The following RBFOX1 variants were observed in gnomAD, a reference collection of about 807,000 sequenced individuals.
RBFOX1 encodes RNA binding protein fox-1 homolog 1.
In RBFOX1, 8 loss-of-function variants were observed where a neutral mutation model predicts 57.7. That is an observed-to-expected ratio of 0.14 (90% CI 0.08 to 0.25). The LOEUF is 0.25. Among genes scored for constraint, RBFOX1 ranks in the 10% least tolerant of loss-of-function variants. The pLI is 1.00. For missense variants in RBFOX1, 611 were observed against 548.5 expected, an observed-to-expected ratio of 1.11 and a Z score of -1.14; for synonymous variants, 326 against 222.4, an observed-to-expected ratio of 1.47 and a Z score of -4.15.
intron 2 of RBFOX1, among the ~76,000 whole-genome samples, chr16:5,538,585 G>C (rs2044798384): frequency 6.6e-6 from 1 of 150,764 alleles, no homozygotes; most frequent in East Asian, 2.0e-4. Flanking sequence ...ATATCATAAT[G>C]CTCTCTTCCT....
At chr16:6,559,459 G>C (rs74008210) in intron 2 of RBFOX1, among the ~76,000 whole-genome samples, 4,025 of 152,192 alleles carry the variant, frequency 0.026, 178 homozygotes, top group African/African-American at 0.091. Flanking sequence ...CTTTTAGAAA[G>C]AGGAGAAGAG....
At chr16:5,536,792 G>A (rs1252714499) in intron 2 of RBFOX1, among the ~76,000 whole-genome samples, 2 of 151,934 alleles carry the variant, frequency 1.3e-5, no homozygotes, top group East Asian at 3.9e-4. Context: ...GGGGAAAACA[G>A]GAATTAGGGA....
At chr16:5,245,929 G>A (rs1177093225) in intron 1 of RBFOX1, among the ~76,000 whole-genome samples, 1 of 151,918 alleles carries the variant, frequency 6.6e-6, no homozygotes, top group Non-Finnish European at 1.5e-5. Context: ...GTGTTTTAAT[G>A]TTTTAGTTGA....
At chr16:6,523,717 T>A (rs1289098030) in intron 2 of RBFOX1, among the ~76,000 whole-genome samples, 1 of 152,182 alleles carries the variant, frequency 6.6e-6, no homozygotes, top group East Asian at 1.9e-4. Context: ...AATTATACAT[T>A]CATCAGAACA....
chr16:6,743,273 A>T (rs2072734568), intron 3 of RBFOX1, among the ~76,000 whole-genome samples: 1 of 152,198 alleles, frequency 6.6e-6, no homozygotes, highest in Admixed American at 6.5e-5. Context: ...GAAAAGGGAA[A>T]GTTGGGACAA....
chr16:6,774,560 AATG>A (rs2079003663), intron 3 of RBFOX1, among the ~76,000 whole-genome samples: 2 of 152,316 alleles, frequency 1.3e-5, no homozygotes, highest in Non-Finnish European at 2.9e-5. Context: ...AGAAGCAGCT[AATG>A]ATAATTTACT....
chr16:6,758,281 T>A (rs2076110105), intron 3 of RBFOX1, among the ~76,000 whole-genome samples: 1 of 152,078 alleles, frequency 6.6e-6, no homozygotes, highest in Non-Finnish European at 1.5e-5. Flanking sequence ...AAACTAGAGA[T>A]AATTTAGTGT....
intron 5 of RBFOX1, among the ~76,000 whole-genome samples, chr16:7,537,724 G>T (rs2081874707): frequency 6.6e-6 from 1 of 152,110 alleles, no homozygotes; most frequent in Non-Finnish European, 1.5e-5. Flanking sequence ...GTCCATCTCA[G>T]GAATAGTGTT....
chr16:6,558,664 TTAAAC>T (rs1435436289), intron 2 of RBFOX1, among the ~76,000 whole-genome samples: 2 of 152,108 alleles, frequency 1.3e-5, no homozygotes, highest in African/African-American at 4.8e-5. Flanking sequence ...AGATGGCTAA[TTAAAC>T]AAAACAAAAC....
chr16:6,865,291 C>T (rs1017366775), intron 3 of RBFOX1, among the ~76,000 whole-genome samples: 1 of 152,058 alleles, frequency 6.6e-6, no homozygotes, highest in Admixed American at 6.5e-5. Flanking sequence ...ACGTGAGCCA[C>T]CGTGCCCGAC....
At position 7,145,813 on chromosome 16, in the gene RBFOX1, G is replaced by A. The variant is rs550286846; in HGVS notation, c.27+93715G>A. On this transcript the variant is annotated intron_variant, in intron 4 of 15. Transcript: ENST00000550418. ...TATACCTCTCTCTGTTTGTGTTCCC[G>A]CACACACACTACTTCTCCATGGCTC... is the stretch of plus-strand genomic sequence containing the variant. Among the ~76,000 whole-genome samples the A allele has an allele frequency of 1.2e-4, 18 of 152,074 alleles. No homozygotes were observed. In the South Asian group the frequency reaches 3.1e-3, roughly 26 times the overall value.
At chr16:5,577,026 C>T (rs900527722) in intron 2 of RBFOX1, among the ~76,000 whole-genome samples, 3 of 152,170 alleles carry the variant, frequency 2.0e-5, no homozygotes, top group Admixed American at 1.3e-4. Context: ...CTCCTCTGCT[C>T]CTCTCTCCCC....
intron 1 of RBFOX1, among the ~76,000 whole-genome samples, chr16:5,319,057 G>A (rs973768020): frequency 6.6e-6 from 1 of 152,160 alleles, no homozygotes; most frequent in African/African-American, 2.4e-5. Context: ...AACCTGGCAG[G>A]TGGAGGTTGC....
intron 4 of RBFOX1, among the ~76,000 whole-genome samples, chr16:7,189,390 C>A (rs1055277059): frequency 1.4e-4 from 20 of 138,358 alleles, no homozygotes; most frequent in Non-Finnish European, 2.7e-4. Flanking sequence ...CGCGCCACTG[C>A]ACTCCAGCCT....
At chr16:6,066,293 CAAAAAAAAAAAAA>C (rs372412356) in intron 1 of RBFOX1, among the ~76,000 whole-genome samples, 1 of 50,400 alleles carries the variant, frequency 2.0e-5, no homozygotes. Context: ...GACTCTGTCT[CAAAAAAAAAAAAA>C]AAAAAAAAAA....
intron 2 of RBFOX1, among the ~76,000 whole-genome samples, chr16:6,534,054 C>G (rs553108136): frequency 2.0e-5 from 3 of 151,868 alleles, no homozygotes; most frequent in African/African-American, 7.3e-5. Context: ...AATATTTTAT[C>G]AAGAGAAATG....
chr16:6,863,808 A>C (rs1338516357), intron 3 of RBFOX1, among the ~76,000 whole-genome samples: 3 of 137,050 alleles, frequency 2.2e-5, no homozygotes, highest in East Asian at 4.6e-4. Context: ...CAGTCTCAGG[A>C]GGATGTGCTA....
intron 1 of RBFOX1, among the ~76,000 whole-genome samples, chr16:6,213,255 A>G (rs1028290938): frequency 9.2e-5 from 14 of 151,862 alleles, no homozygotes; most frequent in African/African-American, 2.9e-4. Flanking sequence ...ACGCTTAATT[A>G]TTTCTTTCTA....
At chr16:7,117,624 A>T (rs2066197261) in intron 4 of RBFOX1, among the ~76,000 whole-genome samples, 2 of 152,204 alleles carry the variant, frequency 1.3e-5, no homozygotes, top group Non-Finnish European at 2.9e-5. Context: ...GAGCTTTTGG[A>T]AGAATCAGGT....
Sources: gnomAD v4.1 joint callset for allele counts (sites outside exome capture counted in the v4.1 genomes callset) on GRCh38, gnomAD v4.1.1 for gene constraint, MANE v1.5 for transcripts, NCBI Gene and HGNC (gene_info 2026-07-23, HGNC 2026-07-21) for gene names.